The following CIC variants were observed in gnomAD, a reference collection of about 807,000 sequenced individuals.
CIC encodes capicua transcriptional repressor, also known as protein capicua homolog.
In CIC, 18 loss-of-function variants were observed where a neutral mutation model predicts 115.7. The observed-to-expected ratio is 0.16, with a 90% confidence interval of 0.11 to 0.23. The LOEUF (loss-of-function observed/expected upper bound fraction) is 0.23. Among genes scored for constraint, CIC ranks in the 10% least tolerant of loss-of-function variants. The probability of loss-of-function intolerance (pLI) is 1.00; values close to 1 mark genes in which losing one functional copy is unlikely to be tolerated. For missense variants in CIC, 2,000 were observed against 2,159.3 expected (o/e 0.93, Z 1.46); for synonymous variants, 1,076 against 923.0 (o/e 1.17, Z -3.01).
chr19:42,295,080 C>T lies in CIC; in HGVS notation c.7443C>T (p.Ala2481=). 1 of 1,527,502 alleles carries T rather than the reference C, an allele frequency of 6.5e-7. No individual in the cohort carries two copies. The highest frequency in any genetic ancestry group is 8.8e-7 in the Non-Finnish European group (1 of 1,142,196). 94.6% of individuals were successfully genotyped at this position (1,527,502 alleles called of 1,614,324 possible). ...CGGACTCTGGCACGGCCCAGGCTGC[C>T]CCGCCACTGCCTCCACCCCCAGAGT... The part of the protein sequence containing the change: ...PSSDSGTAQA[A]PPLPPPPESG... The change falls in exon 21 of 21, where the codon GCC becomes GCT. Residue 2481 remains alanine, a synonymous_variant. Transcript: ENST00000681038.
rs2038324372 is a variant in CIC, at chr19:42,293,773, G to C, written c.6704G>C (p.Gly2235Ala). ...GDTPERKEAA[G>A]TGKKVKVRPP... ...ACCCCGGAGCGCAAGGAGGCGGCTG[G>C]TACTGGCAAGAAGGTGAAGGTGCGG... The change falls in exon 17 of 21, where the codon GGT becomes GCT. Residue 2235 changes from glycine (G) to alanine (A), a missense_variant. This residue lies in a region of CIC where 1,466 missense variants were observed against 1,390.4 expected (regional missense o/e 1.05). Coordinates refer to ENST00000681038, the MANE Select transcript of CIC (RefSeq NM_001386298.1). 6.2e-7 allele frequency: 1 copy of C among 1,612,848 alleles called. No individual in the cohort carries two copies. Among genetic ancestry groups the C allele is most frequent in the East Asian group, 2.2e-5 (1 of 44,884 alleles).
At position 42,270,500 on chromosome 19, in the gene CIC, C is replaced by T. The variant is rs78134005; in HGVS notation, c.-11+1119C>T. ...GTAAAGTTTTTTCCCCTTTTCTTTT[C>T]TCAGGGCAGCTCGAAAGGGGGCGGG... is the stretch of plus-strand genomic sequence containing the variant. On this transcript the variant is annotated intron_variant, in intron 1 of 20. Coordinates refer to ENST00000681038, the MANE Select transcript of CIC (RefSeq NM_001386298.1). This position sits in a 1 kb window ranked among gnomAD's most constrained non-coding sequence, Gnocchi z 4.1. Among the ~76,000 whole-genome samples, 1 of 152,226 alleles carries T rather than the reference C, an allele frequency of 6.6e-6. No homozygotes were observed. The highest frequency in any genetic ancestry group is 6.5e-5 in the Admixed American group (1 of 15,284).
In CIC at chr19:42,287,400, C is replaced by T; in HGVS notation, c.3260C>T (p.Pro1087Leu). Residue 1087 changes from proline (P) to leucine (L), a missense_variant, in exon 5 of 21, where the codon CCC becomes CTC. Transcript: ENST00000681038. The surrounding 1 kb of genome is among the most constrained non-coding windows in gnomAD (Gnocchi z 8.7). ...KRRTQSLSAL[P>L]KERDSSSEKD... ...CGGACCCAGTCCCTCAGTGCCCTAC[C>T]CAAGGAACGGGACTCATCTTCTGAG... 2 of 1,614,108 alleles carry T rather than the reference C, an allele frequency of 1.2e-6. No individual in the cohort carries two copies. The highest frequency in any genetic ancestry group is 1.7e-6 in the Non-Finnish European group (2 of 1,180,034).
intron 10 of CIC, 61 bp from the exon 11 acceptor site, chr19:42,290,172 G>A (rs2037969340): frequency 6.2e-7 from 1 of 1,609,086 alleles, no homozygotes. Flanking sequence ...GCATGGCTAG[G>A]GGGCTGCTAT....
At chr19:42,283,108 G>T (rs2037339356) in intron 2 of CIC, among the ~76,000 whole-genome samples, 1 of 152,182 alleles carries the variant, frequency 6.6e-6, no homozygotes, top group South Asian at 2.1e-4. Context: ...AGAGGGTGGG[G>T]TCGGTATGAT....
intron 2 of CIC, chr19:42,284,167 A>T (rs2037421056): frequency 1.4e-5 from 2 of 142,958 alleles, no homozygotes; most frequent in South Asian, 4.3e-4. Context: ...CCCGGCGCTG[A>T]GCCTCGGGCC....
rs774821915 is a variant in CIC, at chr19:42,292,627, G to C, written c.5964G>C (p.Gln1988His). Residue 1988 changes from glutamine (Q) to histidine (H), a missense_variant, in exon 15 of 21, where the codon CAG (glutamine) becomes CAC (histidine). Coordinates refer to ENST00000681038, the MANE Select transcript of CIC (RefSeq NM_001386298.1). ...QVGVSPVPSPQLPPACAAPGG... is the reference protein window; with the variant it reads ...QVGVSPVPSPHLPPACAAPGG... Reference sequence around the variant, plus strand: ...GCGTGTCACCTGTGCCCAGTCCCCAGCTGCCGCCTGCCTGTGCAGCCCCCG... The same window carrying C: ...GCGTGTCACCTGTGCCCAGTCCCCACCTGCCGCCTGCCTGTGCAGCCCCCG... The C allele has an allele frequency of 1.2e-6, 2 of 1,613,432 alleles. No individual in the cohort carries two copies. Among genetic ancestry groups the C allele is most frequent in the Non-Finnish European group, 1.7e-6 (2 of 1,179,884 alleles).
rs770714432 is a variant in CIC at position 42,292,356 on chromosome 19, C to T, written c.5792C>T (p.Ala1931Val). 12 of 1,612,856 alleles carry T rather than the reference C, an allele frequency of 7.4e-6. No homozygotes were observed. Among genetic ancestry groups the T allele is most frequent in the East Asian group, 2.2e-5 (1 of 44,882 alleles). ...GCGCTGCCCCTGGGTACCAGCCCTG[C>T]GTCCAGCCAGGCTGGAACAGTCACC... ...GHALPLGTSP[A>V]SSQAGTVTSY... Residue 1931 changes from alanine to valine, a missense_variant, in exon 14 of 21, where the codon GCG becomes GTG. Transcript: ENST00000681038.
Position 42,295,141 on chromosome 19 carries a change from C to CCT in CIC, c.7504_7505insCT (p.Gln2502ProfsTer28). ...ACAGCCTGGCTGGGAGGGGGCTCCC[C>CCT]AGCCCTCCCCCCCACCCCCAGGTCC... On this transcript the variant is annotated frameshift_variant, in exon 21 of 21. Transcript: ENST00000681038. LOFTEE classifies it high-confidence loss of function. The CCT allele has an allele frequency of 1.4e-6, 2 of 1,430,162 alleles. No individual in the cohort carries two copies. Among genetic ancestry groups the CCT allele is most frequent in the Non-Finnish European group, 1.9e-6 (2 of 1,073,650 alleles). 88.6% of individuals were successfully genotyped at this position (1,430,162 alleles called of 1,614,324 possible).
intron 2 of CIC, among the ~76,000 whole-genome samples, chr19:42,276,153 G>A (rs2036968467): frequency 6.6e-6 from 1 of 152,234 alleles, no homozygotes; most frequent in Non-Finnish European, 1.5e-5. Flanking sequence ...TTCAGGCAGA[G>A]GAAAGAGTTT....
At chr19:42,283,400 G>T (rs552366280) in intron 2 of CIC, among the ~76,000 whole-genome samples, 1 of 152,270 alleles carries the variant, frequency 6.6e-6, no homozygotes, top group East Asian at 1.9e-4. Flanking sequence ...ATGCACGATG[G>T]TGGGTGGGGA....
chr19:42,269,159 C>G (rs1353692025), upstream of CIC: 2 of 152,116 alleles, frequency 1.3e-5, no homozygotes, highest in Non-Finnish European at 2.9e-5. Flanking sequence ...CGGAGCCGAC[C>G]AGTCTGCGGA....
chr19:42,285,970 C>G (rs1479777335), intron 2 of CIC, among the ~76,000 whole-genome samples: 1 of 152,204 alleles, frequency 6.6e-6, no homozygotes, highest in Admixed American at 6.5e-5. Flanking sequence ...CTCTTCTGGC[C>G]CATTGTCCGT....
At chr19:42,282,813 C>G (rs2037321459) in intron 2 of CIC, among the ~76,000 whole-genome samples, 1 of 148,836 alleles carries the variant, frequency 6.7e-6, no homozygotes, top group Non-Finnish European at 1.5e-5. Flanking sequence ...ATAATACATA[C>G]AAGCTCCCAG....
At position 42,295,690 on chromosome 19, in the gene CIC, TC is replaced by T; in HGVS notation, c.*504del. ...GGGTTGTACTTTCTAAGAAGGTGATTCCCCCTGCCCTTGCCCCCTTCCCCAG... is the reference window on the plus strand; with the variant it reads ...GGGTTGTACTTTCTAAGAAGGTGATTCCCCTGCCCTTGCCCCCTTCCCCAG... On this transcript the variant is annotated 3_prime_UTR_variant, in exon 21 of 21. Transcript: ENST00000681038. 4.3e-6 allele frequency: 1 copy of T among 230,286 alleles called. No homozygotes were observed. The allele number at this position is 230,286 out of a possible 1,614,324, so 14.3% of individuals were successfully genotyped here. A position where few individuals can be genotyped will look rare whatever the true frequency, so the allele number is the denominator to read the frequency against.
Position 42,293,195 on chromosome 19 carries a change from G to C in CIC, c.6436G>C (p.Glu2146Gln). 6.2e-7 allele frequency: 1 copy of C among 1,600,948 alleles called. No homozygotes were observed. Residue 2146 changes from glutamate to glutamine, a missense_variant, in exon 16 of 21, where the codon GAG (glutamate) becomes CAG (glutamine). Physicochemically the swap from Glu to Gln is conservative, Grantham distance 29. This residue lies in a region of CIC where 1,466 missense variants were observed against 1,390.4 expected (regional missense o/e 1.05). Transcript: ENST00000681038. ...ACCACCAGCCCCTCCACCCCTGCCAGAGACCTGGACTCCCACGGCCCGGAG... is the reference window on the plus strand; with the variant it reads ...ACCACCAGCCCCTCCACCCCTGCCACAGACCTGGACTCCCACGGCCCGGAG... ...PTPPAPPPLP[E>Q]TWTPTARSSP... is the part of the protein sequence containing the mutation.
Position 42,290,884 on chromosome 19 carries a change from G to C in CIC, c.4843G>C (p.Gly1615Arg), listed in dbSNP as rs1309624840. ...RAEASPNDTAGARTEMGTGSR... is the reference protein window; with the variant it reads ...RAEASPNDTARARTEMGTGSR... ...TGAGGCGTCTCCAAATGACACAGCAGGTGCCAGGACTGAAATGGGCACTGG... is the reference window on the plus strand; with the variant it reads ...TGAGGCGTCTCCAAATGACACAGCACGTGCCAGGACTGAAATGGGCACTGG... The change falls in exon 11 of 21, where the codon GGT becomes CGT. Residue 1615 changes from glycine (G) to arginine (R), a missense_variant. Physicochemically the swap from Gly to Arg is moderately radical, Grantham distance 125. Transcript: ENST00000681038. 6.2e-7 allele frequency: 1 copy of C among 1,613,282 alleles called. No homozygotes were observed. The highest frequency in any genetic ancestry group is 8.5e-7 in the Non-Finnish European group (1 of 1,179,930).
chr19:42,291,994 T>C (rs1185963755), intron 12 of CIC, 92 bp from the exon 13 acceptor site: 1 of 1,580,460 alleles, frequency 6.3e-7, no homozygotes, highest in East Asian at 2.2e-5. Flanking sequence ...TGTTCCTTGC[T>C]TTTGCTTAGA....
rs775832698 is a variant in CIC, at chr19:42,291,460, C to G, written c.5419C>G (p.Pro1807Ala). ...GCAGTCTGTACCCTCCGCCCCACCCCCCAAAGGTGAGACCTGGGCCGGGCA... is the reference window on the plus strand; with the variant it reads ...GCAGTCTGTACCCTCCGCCCCACCCGCCAAAGGTGAGACCTGGGCCGGGCA... ...ILQSVPSAPP[P>A]KAQSVSPVQA... Residue 1807 changes from proline (P) to alanine (A), a missense_variant, in exon 11 of 21, where the codon CCC becomes GCC. Physicochemically the swap from Pro to Ala is conservative, Grantham distance 27. Around this residue, in one of 8 missense-constraint regions of CIC, gnomAD observed 1,466 missense variants for 1,390.4 expected, o/e 1.05. Coordinates refer to ENST00000681038, the MANE Select transcript of CIC (RefSeq NM_001386298.1). 1 of 1,613,136 alleles carries G rather than the reference C, an allele frequency of 6.2e-7. No homozygotes were observed. The highest frequency in any genetic ancestry group is 1.3e-5 in the African/African-American group (1 of 75,050).
Sources: gnomAD v4.1 joint callset for allele counts (sites outside exome capture counted in the v4.1 genomes callset) on GRCh38, gnomAD v4.1.1 for gene constraint, gnomAD v4.1.1 regional missense constraint, Gnocchi (gnomAD v3.1) non-coding constraint, MANE v1.5 for transcripts, NCBI Gene and HGNC (gene_info 2026-07-23, HGNC 2026-07-21) for gene names.